Variants in TNRC6B observed in about 807,000 individuals in gnomAD.
The protein encoded by TNRC6B is trinucleotide repeat-containing gene 6B protein.
TNRC6B carries 52 observed loss-of-function variants against 203.6 expected under a neutral mutation model. The observed-to-expected ratio is 0.26, with a 90% confidence interval of 0.20 to 0.32. The LOEUF (loss-of-function observed/expected upper bound fraction) is 0.32. TNRC6B is among the 10% of genes least tolerant of loss of function. The pLI is 1.00. For missense variants in TNRC6B, 1,923 were observed against 2,286.2 expected (o/e 0.84, Z 3.24); for synonymous variants, 838 against 845.7 (o/e 0.99, Z 0.16).
In TNRC6B at chr22:40,281,278, G is replaced by T; in HGVS notation, c.3571G>T (p.Ala1191Ser). The change falls in exon 11 of 23, where the codon GCT becomes TCT. Residue 1191 changes from alanine (A) to serine (S), a missense_variant. By Grantham distance (99) the Ala-to-Ser change is moderately conservative. This residue lies in a region of TNRC6B where 242 missense variants were observed against 399.5 expected (regional missense o/e 0.61). Coordinates refer to ENST00000454349, the MANE Select transcript of TNRC6B (RefSeq NM_001162501.2). ...IGTGLNPQNFAARQGGSHGLF... is the reference protein window; with the variant it reads ...IGTGLNPQNFSARQGGSHGLF... Reference sequence around the variant, plus strand: ...CACAGGGCTCAACCCCCAAAACTTCGCTGCTAGACAAGTAAGGAGGCCTCT... The same window carrying T: ...CACAGGGCTCAACCCCCAAAACTTCTCTGCTAGACAAGTAAGGAGGCCTCT... The T allele has an allele frequency of 8.4e-6, 13 of 1,544,414 alleles. No homozygotes were observed. Among genetic ancestry groups the T allele is most frequent in the Middle Eastern group, 1.7e-4 (1 of 5,946 alleles).
At chr22:40,166,728 C>G (rs774192294) in intron 4 of TNRC6B, among the ~76,000 whole-genome samples, 3 of 152,000 alleles carry the variant, frequency 2.0e-5, no homozygotes, top group African/African-American at 4.8e-5. Context: ...AACCCCGTCT[C>G]TACTGAAAGT....
intron 1 of TNRC6B, among the ~76,000 whole-genome samples, chr22:40,085,610 T>C (rs1255227638): frequency 2.0e-5 from 3 of 152,230 alleles, no homozygotes; most frequent in Non-Finnish European, 2.9e-5. Context: ...CTTGTAGTTA[T>C]ATCCAGAGGA....
intron 12 of TNRC6B, among the ~76,000 whole-genome samples, chr22:40,288,305 C>T (rs1479233222): frequency 6.6e-6 from 1 of 152,228 alleles, no homozygotes; most frequent in Non-Finnish European, 1.5e-5. Context: ...GGCTTTGGGA[C>T]TTAGTCACCC....
chr22:40,049,237 G>T lies in TNRC6B; in HGVS notation c.-121+4239G>T, dbSNP rs574717183. ...ATGGTCTCGAACTCCCGACCTTAGG[G>T]ATTTCACCATGTTGGCCAGGCTGGT... On this transcript the variant is annotated intron_variant, in intron 1 of 23. Transcript: ENST00000301923. Among the ~76,000 whole-genome samples, 13 of 152,038 alleles carry T rather than the reference G, an allele frequency of 8.6e-5. No homozygotes were observed. The South Asian group carries it at 2.7e-3, about 32-fold the overall frequency.
Position 40,261,888 on chromosome 22 carries a change from A to G in TNRC6B, c.172A>G (p.Ser58Gly). 5 of 1,595,380 alleles carry G rather than the reference A, an allele frequency of 3.1e-6. No individual in the cohort carries two copies. The highest frequency in any genetic ancestry group is 4.3e-6 in the Non-Finnish European group (5 of 1,164,888). Residue 58 changes from serine (S) to glycine (G), a missense_variant, in exon 4 of 23, where the codon AGC becomes GGC. Ser to Gly is a moderately conservative substitution (Grantham distance 56). Transcript: ENST00000454349. ...ACCAACGGCCGCCAGCCCAATTGGC[A>G]GCTCTCCATCGCCACCAGTCAATGG... ...SQPTAASPIG[S>G]SPSPPVNGGN...
intron 12 of TNRC6B, among the ~76,000 whole-genome samples, chr22:40,298,843 G>A (rs995190555): frequency 3.3e-5 from 5 of 152,158 alleles, no homozygotes; most frequent in African/African-American, 1.2e-4. Context: ...GCGGGCGCCT[G>A]TAGTCCCAGC....
In TNRC6B at chr22:40,265,346, A is replaced by G. The variant is rs766036706; in HGVS notation, c.1116A>G (p.Gly372=). 1 of 1,614,006 alleles carries G rather than the reference A, an allele frequency of 6.2e-7. No homozygotes were observed. The highest frequency in any genetic ancestry group is 1.7e-5 in the Admixed American group (1 of 60,026). ...REQAQIHNTD[G]PKNGNTNSLN... ...AGGCTCAAATTCATAACACTGATGG[A>G]CCAAAAAATGGAAACACTAACTCCT... Residue 372 remains glycine, a synonymous_variant, in exon 5 of 23, where the codon GGA becomes GGG. Transcript: ENST00000454349.
intron 6 of TNRC6B, among the ~76,000 whole-genome samples, chr22:40,272,223 C>A (rs890026768): frequency 2.0e-5 from 3 of 152,170 alleles, no homozygotes; most frequent in African/African-American, 7.2e-5. Flanking sequence ...GCATCCCAAC[C>A]CTCCCCCTTG....
intron 1 of TNRC6B, among the ~76,000 whole-genome samples, chr22:40,196,561 C>G (rs183585940): frequency 6.6e-6 from 1 of 151,848 alleles, no homozygotes; most frequent in East Asian, 1.9e-4. Flanking sequence ...TTGTTCATTT[C>G]TTTCTCCTAG....
intron 19 of TNRC6B, among the ~76,000 whole-genome samples, chr22:40,314,785 G>A (rs902346695): frequency 2.6e-5 from 4 of 152,182 alleles, no homozygotes; most frequent in Non-Finnish European, 4.4e-5. Flanking sequence ...TAAGCCCTTA[G>A]TGAATATTTC....
intron 15 of TNRC6B, 106 bp downstream of exon 15, chr22:40,301,439 G>A (rs1190237665): frequency 2.5e-6 from 3 of 1,211,640 alleles, no homozygotes; most frequent in Non-Finnish European, 3.4e-6. Flanking sequence ...GCTGTACAAG[G>A]TAGGTAAATA....
chr22:40,201,948 A>G (rs972671605), intron 1 of TNRC6B, among the ~76,000 whole-genome samples: 3 of 152,136 alleles, frequency 2.0e-5, no homozygotes, highest in Non-Finnish European at 2.9e-5. Context: ...GTTCCCAGAC[A>G]TTTCAATAAG....
intron 2 of TNRC6B, 39 bp downstream of exon 2, chr22:40,246,141 G>A (rs1424508264): frequency 1.4e-6 from 2 of 1,445,220 alleles, no homozygotes; most frequent in African/African-American, 1.4e-5. Flanking sequence ...TTATCTGCTA[G>A]GCATCCAGCA....
At position 40,270,286 on chromosome 22, in the gene TNRC6B, T is replaced by C. The variant is rs2070542417; in HGVS notation, c.2965+6T>C. 7.3e-7 allele frequency: 1 copy of C among 1,376,030 alleles called. No homozygotes were observed. Among genetic ancestry groups the C allele is most frequent in the Non-Finnish European group, 9.4e-7 (1 of 1,060,066 alleles). 85.2% of individuals were successfully genotyped at this position (1,376,030 alleles called of 1,614,324 possible). ...TCCCAATGCCATGAAGCCTAGTAAG[T>C]GTGAAGCTTTTCATTTTTGAGGGAT... On this transcript the variant is annotated splice_donor_region_variant and intron_variant, in intron 6 of 22. Transcript: ENST00000454349.
intron 3 of TNRC6B, among the ~76,000 whole-genome samples, chr22:40,136,586 T>C (rs2068602072): frequency 6.6e-6 from 1 of 151,878 alleles, no homozygotes; most frequent in Non-Finnish European, 1.5e-5. Flanking sequence ...TTTTAACTCT[T>C]TTTGTAGAGA....
At chr22:40,297,998 A>G (rs1006228561) in intron 12 of TNRC6B, among the ~76,000 whole-genome samples, 8 of 137,468 alleles carry the variant, frequency 5.8e-5, no homozygotes, top group Non-Finnish European at 1.1e-4. Flanking sequence ...GGTGGCAGGC[A>G]CCTGTAGTCC....
chr22:40,087,220 A>G (rs968225901), intron 1 of TNRC6B, among the ~76,000 whole-genome samples: 6 of 152,376 alleles, frequency 3.9e-5, no homozygotes, highest in African/African-American at 1.4e-4. Context: ...TATTTAAATT[A>G]TGAATCAAGT....
At chr22:40,081,042 T>G (rs772317876) in intron 1 of TNRC6B, among the ~76,000 whole-genome samples, 4 of 151,656 alleles carry the variant, frequency 2.6e-5, no homozygotes, top group Non-Finnish European at 4.4e-5. Flanking sequence ...TTTTAGTGTG[T>G]GGGGGGGTGC....
intron 1 of TNRC6B, among the ~76,000 whole-genome samples, chr22:40,220,698 A>T (rs1569026170): frequency 1.3e-5 from 2 of 152,180 alleles, no homozygotes; most frequent in Non-Finnish European, 2.9e-5. Flanking sequence ...CAAAAGATGC[A>T]CGTAAAACAG....
Sources: allele counts gnomAD v4.1 joint callset (sites outside exome capture counted in the v4.1 genomes callset), GRCh38; gene constraint gnomAD v4.1.1; regional missense constraint gnomAD v4.1.1; transcripts MANE v1.5; gene names NCBI Gene and HGNC (gene_info 2026-07-23, HGNC 2026-07-21).